Variants in TASP1 observed in about 807,000 individuals in gnomAD.
TASP1 encodes the protein taspase 1.
A neutral mutation model predicts 56.6 loss-of-function variants in TASP1; 16 were observed. That is an observed-to-expected ratio of 0.28 (90% CI 0.19 to 0.43). The LOEUF (loss-of-function observed/expected upper bound fraction) is 0.43, where lower values mean the gene tolerates loss of function less well. Ranked by LOEUF, TASP1 falls within the 20% of genes least tolerant of loss-of-function variation. The pLI is 1.00. For missense variants in TASP1, 393 were observed against 511.6 expected (o/e 0.77, Z 2.24); for synonymous variants, 179 against 184.2 (o/e 0.97, Z 0.23).
chr20:13,425,475 A>G (rs112312736), intron 12 of TASP1, among the ~76,000 whole-genome samples: 13 of 152,182 alleles, frequency 8.5e-5, no homozygotes, highest in African/African-American at 2.9e-4. Flanking sequence ...TTGTCCTCCA[A>G]TTGTTGTTAA....
chr20:13,576,127 A>G (rs1015817226), intron 6 of TASP1, among the ~76,000 whole-genome samples: 1 of 149,316 alleles, frequency 6.7e-6, no homozygotes, highest in Non-Finnish European at 1.5e-5. Context: ...GCTTGAACCT[A>G]GGAAGCAGAG....
the TASP1 span, among the ~76,000 whole-genome samples, chr20:13,296,479 G>C: frequency 6.6e-6 from 1 of 152,232 alleles, no homozygotes; most frequent in Admixed American, 6.5e-5. Flanking sequence ...GATGAACGCT[G>C]TGACCATAAG....
the TASP1 span, among the ~76,000 whole-genome samples, chr20:13,306,564 C>CAAAAAAAAAAAAAAAAAAAAAAGA: frequency 4.7e-5 from 3 of 63,914 alleles, no homozygotes; most frequent in African/African-American, 7.2e-5. Flanking sequence ...GGAGAAAGGA[C>CAAAAAAAAAAAAAAAAAAAAAAGA]AAAAAAAAAA....
chr20:13,199,816 T>A, the TASP1 span, among the ~76,000 whole-genome samples: 3 of 152,164 alleles, frequency 2.0e-5, no homozygotes, highest in Non-Finnish European at 4.4e-5. Flanking sequence ...ACAGGTCAAG[T>A]CATGGCTTGC....
the TASP1 span, among the ~76,000 whole-genome samples, chr20:13,230,134 G>A: frequency 6.6e-6 from 1 of 152,174 alleles, no homozygotes. Flanking sequence ...TGGTCAAGAA[G>A]AATCTGTTTT....
At chr20:13,415,361 C>T (rs547673155) in intron 13 of TASP1, among the ~76,000 whole-genome samples, 9 of 151,896 alleles carry the variant, frequency 5.9e-5, no homozygotes, top group African/African-American at 1.7e-4. Context: ...AAAATTCTAG[C>T]ATTTATAACA....
the TASP1 span, among the ~76,000 whole-genome samples, chr20:13,306,564 C>CAAAAAAAAAAAAAAAAAAAAAA: frequency 3.6e-4 from 23 of 63,906 alleles, no homozygotes; most frequent in South Asian, 1.6e-3. Context: ...GGAGAAAGGA[C>CAAAAAAAAAAAAAAAAAAAAAA]AAAAAAAAAA....
At chr20:13,595,552 C>CA (rs1011885317) in intron 4 of TASP1, among the ~76,000 whole-genome samples, 2 of 150,796 alleles carry the variant, frequency 1.3e-5, no homozygotes, top group Admixed American at 6.6e-5. Context: ...AAATGGAAAG[C>CA]AAAAAAAAGC....
chr20:13,449,298 A>T (rs2043528925), intron 11 of TASP1, among the ~76,000 whole-genome samples: 1 of 152,098 alleles, frequency 6.6e-6, no homozygotes, highest in Non-Finnish European at 1.5e-5. Context: ...CTTCCAAAGG[A>T]CATCGGACCT....
chr20:13,468,225 C>A (rs1484744194), intron 11 of TASP1, among the ~76,000 whole-genome samples: 1 of 151,766 alleles, frequency 6.6e-6, no homozygotes, highest in Non-Finnish European at 1.5e-5. Context: ...ATACTCTGAG[C>A]TTACCCAATT....
chr20:13,269,196 G>A, the TASP1 span, among the ~76,000 whole-genome samples: 1 of 152,142 alleles, frequency 6.6e-6, no homozygotes. Flanking sequence ...CCCAAAGCCT[G>A]GTGAAATTCT....
chr20:13,256,379 G>C, the TASP1 span, among the ~76,000 whole-genome samples: 232 of 130,890 alleles, frequency 1.8e-3, no homozygotes, highest in African/African-American at 6.2e-3. Flanking sequence ...CTGGGCAACA[G>C]AGTGAGACCC....
the TASP1 span, among the ~76,000 whole-genome samples, chr20:13,325,177 G>A: frequency 6.6e-6 from 1 of 152,206 alleles, no homozygotes; most frequent in East Asian, 1.9e-4. Flanking sequence ...GAGGTGGGGG[G>A]ATGGCCCTGG....
At chr20:13,393,762 T>A in intron 13 of TASP1, 1 of 641,714 alleles carries the variant, frequency 1.6e-6, no homozygotes. Flanking sequence ...CTCAGTCCCC[T>A]ACCACACTGA....
the TASP1 span, among the ~76,000 whole-genome samples, chr20:13,360,711 C>T: frequency 1.4e-4 from 21 of 152,302 alleles, no homozygotes; most frequent in South Asian, 6.2e-4. Flanking sequence ...TCATACCTGA[C>T]GCATATACTT....
the TASP1 span, chr20:13,110,169 C>A: frequency 5.6e-6 from 9 of 1,613,484 alleles, no homozygotes; most frequent in Non-Finnish European, 7.6e-6. Context: ...CAGCCTCGAA[C>A]CCGCAGAGCT....
chr20:13,416,503 A>G (rs1173964052), intron 13 of TASP1, among the ~76,000 whole-genome samples: 1 of 152,232 alleles, frequency 6.6e-6, no homozygotes, highest in Non-Finnish European at 1.5e-5. Context: ...TACAAAGGAT[A>G]GTCAGGATAG....
At chr20:13,156,882 C>T in the TASP1 span, among the ~76,000 whole-genome samples, 1 of 152,080 alleles carries the variant, frequency 6.6e-6, no homozygotes, top group Non-Finnish European at 1.5e-5. Context: ...TTTTTGGTTG[C>T]ATTACTCAAA....
the TASP1 span, among the ~76,000 whole-genome samples, chr20:13,128,421 C>CTA: frequency 6.6e-6 from 1 of 152,154 alleles, no homozygotes; most frequent in Non-Finnish European, 1.5e-5. Context: ...AGTCAACTCT[C>CTA]TACACAGTGC....
Sources: gnomAD v4.1 joint callset for allele counts (sites outside exome capture counted in the v4.1 genomes callset) on GRCh38, gnomAD v4.1.1 for gene constraint, MANE v1.5 for transcripts, NCBI Gene and HGNC (gene_info 2026-07-23, HGNC 2026-07-21) for gene names.